FURIN: variants seen among roughly 807,000 people sequenced by gnomAD.
The protein encoded by FURIN is FES upstream region.
Under a neutral mutation model 89.2 loss-of-function variants are expected in FURIN, and 18 were observed. The ratio of observed to expected loss-of-function variants is 0.20; its 90% confidence interval spans 0.14 to 0.30. The LOEUF is 0.30. Ranked by LOEUF, FURIN falls within the 10% of genes least tolerant of loss-of-function variation. The pLI is 1.00. For synonymous variants in FURIN, 508 were observed against 466.4 expected, an observed-to-expected ratio of 1.09 and a Z score of -1.15; for missense variants, 879 against 1,100.5, an observed-to-expected ratio of 0.80 and a Z score of 2.85.
At chr15:90,871,356 A>C (rs1040604966) in intron 1 of FURIN, among the ~76,000 whole-genome samples, 1 of 151,598 alleles carries the variant, frequency 6.6e-6, no homozygotes, top group Admixed American at 6.6e-5. Context: ...GCGGGGCCTG[A>C]GGGACGCGCC....
chr15:90,879,878 T>C lies in FURIN; in HGVS notation c.1270T>C (p.Tyr424His). 3 of 1,612,854 alleles carry C rather than the reference T, an allele frequency of 1.9e-6. No homozygotes were observed. The highest frequency in any genetic ancestry group is 1.1e-5 in the South Asian group (1 of 91,074). ...CCCTGTCCCCACAGTGAGCCACTCA[T>C]ATGGCTACGGGCTTTTGGACGCAGG... is the stretch of plus-strand genomic sequence containing the variant. ...NGVGRKVSHS[Y>H]GYGLLDAGAM... The change falls in exon 12 of 16, where the codon TAT becomes CAT. Residue 424 changes from tyrosine to histidine, a missense_variant. This residue lies in a region of FURIN where 156 missense variants were observed against 243.7 expected (regional missense o/e 0.64). Coordinates refer to ENST00000268171, the MANE Select transcript of FURIN (RefSeq NM_002569.4).
rs1448154327 is a variant in FURIN, at chr15:90,876,428, C to T, written c.277-34C>T. 2 of 1,563,156 alleles carry T rather than the reference C, an allele frequency of 1.3e-6. No individual in the cohort carries two copies. The highest frequency in any genetic ancestry group is 1.8e-6 in the Non-Finnish European group (2 of 1,133,728). On this transcript the variant is annotated intron_variant, in intron 3 of 15. Transcript: ENST00000268171. This position sits in a 1 kb window ranked among gnomAD's most constrained non-coding sequence, Gnocchi z 5.0. ...TCAGGAGCCCCTCTCGCCTCCTGCT[C>T]CACCCACACCATCTCTCCCTCACTC...
chr15:90,875,575 C>T lies in FURIN; in HGVS notation c.-159-7C>T. On this transcript the variant is annotated splice_polypyrimidine_tract_variant and splice_region_variant and intron_variant, in intron 1 of 15. Coordinates refer to ENST00000268171, the MANE Select transcript of FURIN (RefSeq NM_002569.4). ...TCTCTCCCCTTTTCCCCTCTTGTTC[C>T]TCTCAGGGTCGGCACTCTTCACCCT... 1.8e-6 allele frequency: 1 copy of T among 562,804 alleles called. No individual in the cohort carries two copies. The highest frequency in any genetic ancestry group is 3.1e-6 in the Non-Finnish European group (1 of 322,348). 34.9% of individuals were successfully genotyped at this position (562,804 alleles called of 1,614,324 possible).
Position 90,878,311 on chromosome 15 carries a change from T to C in FURIN, c.840+7T>C, listed in dbSNP as rs781194105. 5.1e-6 allele frequency: 8 copies of C among 1,583,020 alleles called. No individual in the cohort carries two copies. In the East Asian group the frequency reaches 1.8e-4, roughly 36 times the overall value. ...CTTCCGTGGGGTTAGCCAGGTGAGG[T>C]GGGGATCTGTCCAGCCCCTGCGGGC... On this transcript the variant is annotated splice_region_variant and intron_variant, in intron 8 of 15. Coordinates refer to ENST00000268171, the MANE Select transcript of FURIN (RefSeq NM_002569.4).
chr15:90,873,638 G>C (rs528846641), intron 1 of FURIN, among the ~76,000 whole-genome samples: 1 of 152,084 alleles, frequency 6.6e-6, no homozygotes, highest in Non-Finnish European at 1.5e-5. Flanking sequence ...CTTGGGGTGG[G>C]GGGGGCGGTC....
intron 9 of FURIN, 124 bp from the exon 10 acceptor site, chr15:90,879,320 C>G: frequency 2.7e-6 from 2 of 747,938 alleles, no homozygotes; most frequent in South Asian, 3.3e-5. Context: ...ACCTGGGGTT[C>G]TTGGCCCTGG....
chr15:90,878,129 C>CA lies in FURIN; in HGVS notation c.668-2dup, dbSNP rs1483117140. 1.9e-6 allele frequency: 3 copies of CA among 1,613,600 alleles called. No individual in the cohort carries two copies. Among genetic ancestry groups the CA allele is most frequent in the Non-Finnish European group, 2.5e-6 (3 of 1,179,994 alleles). ...CCTCTTCGTGCCCCCCCTTCACGGC[C>CA]AGGGGTGCGCATGCTGGATGGCGAG... On this transcript the variant is annotated splice_region_variant and splice_polypyrimidine_tract_variant and intron_variant, in intron 7 of 15. Coordinates refer to ENST00000268171, the MANE Select transcript of FURIN (RefSeq NM_002569.4).
chr15:90,881,192 C>G lies in FURIN; in HGVS notation c.1793-94C>G, dbSNP rs2151228889. On this transcript the variant is annotated intron_variant, in intron 15 of 15. Coordinates refer to ENST00000268171, the MANE Select transcript of FURIN (RefSeq NM_002569.4). The surrounding 1 kb of genome is among the most constrained non-coding windows in gnomAD (Gnocchi z 4.3). ...ACCACAGTCCTGGGGCTGGAGGATC[C>G]TGGGGATGTGGTGACTTGGCTTGGG... The G allele has an allele frequency of 8.7e-7, 1 of 1,154,656 alleles. No homozygotes were observed. Among genetic ancestry groups the G allele is most frequent in the Non-Finnish European group, 1.3e-6 (1 of 795,762 alleles). The allele number at this position is 1,154,656 out of a possible 1,614,324, so 71.5% of individuals were successfully genotyped here.
In FURIN at chr15:90,882,009, T is replaced by G; in HGVS notation, c.*131T>G. The G allele has an allele frequency of 1.5e-6, 1 of 686,554 alleles. No individual in the cohort carries two copies. The highest frequency in any genetic ancestry group is 2.5e-6 in the Non-Finnish European group (1 of 405,206). The allele number at this position is 686,554 out of a possible 1,614,324, so 42.5% of individuals were successfully genotyped here. On this transcript the variant is annotated 3_prime_UTR_variant, in exon 16 of 16. Coordinates refer to ENST00000268171, the MANE Select transcript of FURIN (RefSeq NM_002569.4). ...CAAGAGGGGTGGAGACTGCTTCCCA[T>G]CCTACCCTCGGGCCCACCTGGCCAC...
chr15:90,879,358 G>T (rs1279242232), intron 9 of FURIN, 86 bp from the exon 10 acceptor site: 1 of 980,768 alleles, frequency 1.0e-6, no homozygotes, highest in African/African-American at 1.6e-5. Flanking sequence ...GGTGCCCAGG[G>T]CCTGTATGCA....
chr15:90,879,310 A>C, intron 9 of FURIN, 134 bp from the exon 10 acceptor site: 4 of 693,526 alleles, frequency 5.8e-6, no homozygotes, highest in African/African-American at 1.8e-5. Flanking sequence ...AGCAGCTGGG[A>C]CCTGGGGTTC....
At chr15:90,877,396 G>A in intron 6 of FURIN, 131 bp from the exon 7 acceptor site, 1 of 891,498 alleles carries the variant, frequency 1.1e-6, no homozygotes, top group East Asian at 2.7e-5. Flanking sequence ...GTGGAGTGTG[G>A]GAGATGGGGG....
At chr15:90,880,580 A>T (rs1391691720) in intron 13 of FURIN, 111 bp from the exon 14 acceptor site, 1 of 1,221,500 alleles carries the variant, frequency 8.2e-7, no homozygotes, top group African/African-American at 1.5e-5. Context: ...TTCTGGCCCC[A>T]TGGGGTTGGT....
chr15:90,876,678 T>A lies in FURIN; in HGVS notation c.372+121T>A, dbSNP rs2031649817. Reference sequence around the variant, plus strand: ...TCTGATTCGTTTCCTTTCCTCCTGCTGGGCAGTCTCTCCTTGGCCCATCCT... The same window carrying A: ...TCTGATTCGTTTCCTTTCCTCCTGCAGGGCAGTCTCTCCTTGGCCCATCCT... On this transcript the variant is annotated intron_variant, in intron 4 of 15. Coordinates refer to ENST00000268171, the MANE Select transcript of FURIN (RefSeq NM_002569.4). The surrounding 1 kb of genome is among the most constrained non-coding windows in gnomAD (Gnocchi z 5.0). 1.2e-6 allele frequency: 1 copy of A among 831,356 alleles called. No homozygotes were observed. The highest frequency in any genetic ancestry group is 1.7e-5 in the African/African-American group (1 of 59,182). The allele number at this position is 831,356 out of a possible 1,614,324, so 51.5% of individuals were successfully genotyped here. A position where few individuals can be genotyped will look rare whatever the true frequency, so the allele number is the denominator to read the frequency against.
At chr15:90,879,355 A>G in intron 9 of FURIN, 89 bp from the exon 10 acceptor site, 1 of 965,654 alleles carries the variant, frequency 1.0e-6, no homozygotes, top group Non-Finnish European at 1.7e-6. Context: ...TGTGGTGCCC[A>G]GGGCCTGTAT....
In FURIN at chr15:90,877,240, C is replaced by G. The variant is rs781768440; in HGVS notation, c.578+29C>G. On this transcript the variant is annotated intron_variant, in intron 6 of 15. Transcript: ENST00000268171. Reference sequence around the variant, plus strand: ...AGAAGTGGCAGGCCCCGGTCTCTGCCTCCCTTCTCCTTTCTTCCACTAAGG... The same window carrying G: ...AGAAGTGGCAGGCCCCGGTCTCTGCGTCCCTTCTCCTTTCTTCCACTAAGG... 5 of 1,518,150 alleles carry G rather than the reference C, an allele frequency of 3.3e-6. No individual in the cohort carries two copies. The African/African-American group carries it at 6.9e-5, about 21-fold the overall frequency. The allele number at this position is 1,518,150 out of a possible 1,614,324, so 94.0% of individuals were successfully genotyped here. A position where few individuals can be genotyped will look rare whatever the true frequency, so the allele number is the denominator to read the frequency against.
Position 90,876,597 on chromosome 15 carries a change from T to G in FURIN, c.372+40T>G. On this transcript the variant is annotated intron_variant, in intron 4 of 15. Coordinates refer to ENST00000268171, the MANE Select transcript of FURIN (RefSeq NM_002569.4). This position sits in a 1 kb window ranked among gnomAD's most constrained non-coding sequence, Gnocchi z 5.0. ...TCGCTGCTGGGACCTCCTCCCCAGA[T>G]GCACCATCCACCCACTATGAGCTCT... The G allele has an allele frequency of 7.8e-7, 1 of 1,289,792 alleles. No individual in the cohort carries two copies. The highest frequency in any genetic ancestry group is 1.1e-6 in the Non-Finnish European group (1 of 886,700). 79.9% of individuals were successfully genotyped at this position (1,289,792 alleles called of 1,614,324 possible).
rs570230739 is a variant in FURIN at position 90,872,180 on chromosome 15, G to A, written c.-159-3402G>A. ...CTCGCCCCCGCCCGCACACCTGTGC[G>A]GCCAGGACTCGGGTGCGGGATCCGC... On this transcript the variant is annotated intron_variant, in intron 1 of 15. Transcript: ENST00000268171. 3.3e-5 allele frequency among the ~76,000 whole-genome samples: 5 copies of A among 151,678 alleles called. No homozygotes were observed. The South Asian group carries it at 1.0e-3, about 31-fold the overall frequency.
In FURIN at chr15:90,882,047, C is replaced by G. The variant is rs937816802; in HGVS notation, c.*169C>G. 5 of 605,512 alleles carry G rather than the reference C, an allele frequency of 8.3e-6. No individual in the cohort carries two copies. The highest frequency in any genetic ancestry group is 1.9e-5 in the African/African-American group (1 of 53,146). 37.5% of individuals were successfully genotyped at this position (605,512 alleles called of 1,614,324 possible). On this transcript the variant is annotated 3_prime_UTR_variant, in exon 16 of 16. Transcript: ENST00000268171. Reference sequence around the variant, plus strand: ...CCCACCTGGCCACCTGAGGTGGGCCCAGGACCAGCTGGGGCGTGGGGAGGG... The same window carrying G: ...CCCACCTGGCCACCTGAGGTGGGCCGAGGACCAGCTGGGGCGTGGGGAGGG...
Sources: allele counts gnomAD v4.1 joint callset (sites outside exome capture counted in the v4.1 genomes callset), GRCh38; gene constraint gnomAD v4.1.1; regional missense constraint gnomAD v4.1.1; non-coding constraint Gnocchi (gnomAD v3.1); transcripts MANE v1.5; gene names NCBI Gene and HGNC (gene_info 2026-07-23, HGNC 2026-07-21).